CLASP1: variants seen among roughly 807,000 people sequenced by gnomAD.
The protein encoded by CLASP1 is cytoplasmic linker associated protein 1.
CLASP1 carries 38 observed loss-of-function variants against 192.3 expected under a neutral mutation model. The ratio of observed to expected loss-of-function variants is 0.20; its 90% confidence interval spans 0.15 to 0.26. The LOEUF is 0.26. CLASP1 is among the 10% of genes least tolerant of loss of function. CLASP1 has a pLI of 1.00. For missense variants in CLASP1, 1,433 were observed against 1,932.5 expected (o/e 0.74, Z 4.85); for synonymous variants, 691 against 712.8 (o/e 0.97, Z 0.49).
At chr2:121,401,993 A>G (rs763194942) in intron 26 of CLASP1, 123 bp from the exon 28 acceptor site, 184 of 469,730 alleles carry the variant, frequency 3.9e-4, no homozygotes, top group Non-Finnish European at 7.1e-4. Flanking sequence ...CAAACCAATG[A>G]AATATTCTCT....
chr2:121,499,103 C>T (rs943559293), intron 8 of CLASP1, among the ~76,000 whole-genome samples: 3 of 152,176 alleles, frequency 2.0e-5, no homozygotes, highest in African/African-American at 7.2e-5. Flanking sequence ...AAATACATAT[C>T]CACATGAAAT....
chr2:121,580,132 A>C (rs186810020), intron 2 of CLASP1, among the ~76,000 whole-genome samples: 4 of 152,364 alleles, frequency 2.6e-5, no homozygotes, highest in Admixed American at 1.3e-4. Context: ...CCATATATTA[A>C]AGATGCAAAG....
chr2:121,478,333 G>C (rs2091894118), intron 8 of CLASP1, among the ~76,000 whole-genome samples: 1 of 152,128 alleles, frequency 6.6e-6, no homozygotes, highest in Non-Finnish European at 1.5e-5. Flanking sequence ...GGGCACAGTG[G>C]CTCACATCTG....
chr2:121,492,793 T>C lies in CLASP1; in HGVS notation c.712+10374A>G, dbSNP rs555205964. On this transcript the variant is annotated intron_variant, in intron 8 of 39. Transcript: ENST00000263710. ...TAGTGGTTCCTCAGTAAGTTAAACA[T>C]AGAATGACCATGTAATACAGCAATT... Among the ~76,000 whole-genome samples the C allele has an allele frequency of 2.6e-5, 4 of 152,040 alleles. No individual in the cohort carries two copies. In the South Asian group the frequency reaches 8.3e-4, roughly 32 times the overall value.
intron 5 of CLASP1, among the ~76,000 whole-genome samples, chr2:121,526,650 G>C (rs886790638): frequency 2.0e-5 from 3 of 151,920 alleles, no homozygotes; most frequent in Admixed American, 1.3e-4. Flanking sequence ...AAATTTACAA[G>C]TAATATAAAC....
intron 22 of CLASP1, among the ~76,000 whole-genome samples, 199 bp downstream of exon 22, chr2:121,424,940 A>G (rs2080132046): frequency 6.6e-6 from 1 of 152,178 alleles, no homozygotes; most frequent in Non-Finnish European, 1.5e-5. Flanking sequence ...CTTCCCATCA[A>G]TTTGAAGGGT....
At chr2:121,642,077 A>C (rs1017226039) in intron 1 of CLASP1, among the ~76,000 whole-genome samples, 5 of 152,160 alleles carry the variant, frequency 3.3e-5, no homozygotes, top group Admixed American at 2.6e-4. Context: ...ACACAAAAGA[A>C]ACTATACAAA....
intron 6 of CLASP1, among the ~76,000 whole-genome samples, chr2:121,525,050 C>T (rs187127336): frequency 2.6e-5 from 4 of 152,256 alleles, no homozygotes; most frequent in African/African-American, 7.2e-5. Flanking sequence ...AGTTATCAAC[C>T]AAGATTTCAC....
chr2:121,469,841 G>C (rs1200131826), exon 9 of CLASP1: 1 of 1,613,562 alleles, frequency 6.2e-7, no homozygotes, highest in East Asian at 2.2e-5. Flanking sequence ...GATGAACCAA[G>C]CCGGCGGGTG....
chr2:121,588,897 G>A (rs542870429), intron 2 of CLASP1, among the ~76,000 whole-genome samples: 47 of 152,156 alleles, frequency 3.1e-4, no homozygotes, highest in Non-Finnish European at 5.4e-4. Flanking sequence ...GACCATTTTC[G>A]TGCACAGCCA....
intron 2 of CLASP1, among the ~76,000 whole-genome samples, chr2:121,599,515 G>C (rs755077422): frequency 6.8e-6 from 1 of 147,798 alleles, no homozygotes; most frequent in Non-Finnish European, 1.5e-5. Context: ...TTGAACCCAG[G>C]AGGTGGAGGT....
intron 1 of CLASP1, among the ~76,000 whole-genome samples, chr2:121,623,375 A>AT (rs1280373311): frequency 2.0e-5 from 3 of 152,210 alleles, no homozygotes; most frequent in Admixed American, 6.5e-5. Flanking sequence ...CATTCCTGGG[A>AT]TAATTCCCAC....
At chr2:121,646,260 A>G (rs1057156213) in intron 1 of CLASP1, among the ~76,000 whole-genome samples, 4 of 152,098 alleles carry the variant, frequency 2.6e-5, no homozygotes, top group Non-Finnish European at 4.4e-5. Flanking sequence ...CTACAGGTGC[A>G]CACCACTATC....
At chr2:121,471,762 CT>C (rs2090773816) in intron 8 of CLASP1, among the ~76,000 whole-genome samples, 1 of 152,164 alleles carries the variant, frequency 6.6e-6, no homozygotes, top group African/African-American at 2.4e-5. Context: ...CCCAGATTGT[CT>C]TGTTATGCCA....
chr2:121,464,602 G>A (rs2089055381), intron 9 of CLASP1, among the ~76,000 whole-genome samples: 2 of 152,184 alleles, frequency 1.3e-5, no homozygotes, highest in African/African-American at 2.4e-5. Context: ...GCCAGTGATG[G>A]TGAGCATTTT....
At chr2:121,404,783 G>A (rs1574400380) in intron 25 of CLASP1, among the ~76,000 whole-genome samples, 1 of 152,172 alleles carries the variant, frequency 6.6e-6, no homozygotes, top group Non-Finnish European at 1.5e-5. Flanking sequence ...AAGACTGAGT[G>A]ATTTACTCAA....
intron 34 of CLASP1, among the ~76,000 whole-genome samples, chr2:121,369,911 T>C (rs1369992951): frequency 6.6e-6 from 1 of 152,248 alleles, no homozygotes; most frequent in Middle Eastern, 3.2e-3. Flanking sequence ...TCACTTTTGC[T>C]AAATATAATT....
At chr2:121,478,793 C>CACACCCCA (rs2092114244) in intron 8 of CLASP1, among the ~76,000 whole-genome samples, 9 of 43,898 alleles carry the variant, frequency 2.1e-4, no homozygotes, top group African/African-American at 7.8e-4. Context: ...CCCACACACA[C>CACACCCCA]CACACACCAC....
At chr2:121,642,881 C>G (rs2072407729) in intron 1 of CLASP1, among the ~76,000 whole-genome samples, 1 of 152,198 alleles carries the variant, frequency 6.6e-6, no homozygotes, top group Admixed American at 6.5e-5. Context: ...AGAATGGACA[C>G]ATGGACAGTC....
Sources: allele counts gnomAD v4.1 joint callset (sites outside exome capture counted in the v4.1 genomes callset), GRCh38; gene constraint gnomAD v4.1.1; transcripts MANE v1.5; gene names NCBI Gene and HGNC (gene_info 2026-07-23, HGNC 2026-07-21).